The following ADCY9 variants were observed in gnomAD, a reference collection of about 807,000 sequenced individuals.
ADCY9 encodes the protein adenylate cyclase type 9.
Under a neutral mutation model 101.5 loss-of-function variants are expected in ADCY9, and 50 were observed. The ratio of observed to expected loss-of-function variants is 0.49; its 90% CI spans 0.39 to 0.62. ADCY9 has a LOEUF of 0.62. ADCY9 is among the 20% of genes least tolerant of loss of function. The pLI is 0.00. For missense variants in ADCY9, 1,662 were observed against 1,800.4 expected (o/e 0.92, Z 1.39); for synonymous variants, 905 against 769.3 (o/e 1.18, Z -2.92).
At chr16:4,095,976 CAAA>C (rs56897380) in intron 2 of ADCY9, among the ~76,000 whole-genome samples, 5,288 of 115,394 alleles carry the variant, frequency 0.046, 331 homozygotes, top group African/African-American at 0.16. Context: ...GACTCTATCT[CAAA>C]AAAAAAAAAA....
rs561013415 is a variant in ADCY9, at chr16:4,071,730, A to C, written c.1693+42020T>G. Among the ~76,000 whole-genome samples the C allele has an allele frequency of 4.6e-5, 7 of 152,282 alleles. No homozygotes were observed. The East Asian group carries it at 1.4e-3, about 29-fold the overall frequency. On this transcript the variant is annotated intron_variant, in intron 2 of 10. Coordinates refer to ENST00000294016, the MANE Select transcript of ADCY9 (RefSeq NM_001116.4). ...AGTCTCTAAAGAAGAACCGAGTTTT[A>C]ATTTTCATCATGATGCATTTTAGTT... is the stretch of plus-strand genomic sequence containing the variant.
At position 3,995,366 on chromosome 16, in the gene ADCY9, C is replaced by G. The variant is rs2531976; in HGVS notation, c.1885-1856G>C. On this transcript the variant is annotated intron_variant, in intron 3 of 10. Coordinates refer to ENST00000294016, the MANE Select transcript of ADCY9 (RefSeq NM_001116.4). ...CTGCTTGAGTCTGGGAGGTCAAGGC[C>G]GCAGTGAGCTTTGATGGTGCCACTG... Among the ~76,000 whole-genome samples the G allele has an allele frequency of 5.9e-5, 9 of 152,004 alleles. No homozygotes were observed. In the South Asian group the frequency reaches 1.7e-3, roughly 28 times the overall value.
intron 2 of ADCY9, among the ~76,000 whole-genome samples, chr16:4,058,756 G>A (rs1009477884): frequency 3.3e-5 from 5 of 152,114 alleles, no homozygotes; most frequent in East Asian, 1.9e-4. Flanking sequence ...TGAGTCCACC[G>A]AGGAGCTAAA....
intron 2 of ADCY9, among the ~76,000 whole-genome samples, chr16:4,102,085 GAAGA>G (rs1272182385): frequency 6.6e-6 from 1 of 152,170 alleles, no homozygotes; most frequent in Non-Finnish European, 1.5e-5. Flanking sequence ...TTGAGCGCAG[GAAGA>G]AAGAAACACC....
At chr16:3,990,582 CTCCTT>C (rs1283311575) in intron 5 of ADCY9, among the ~76,000 whole-genome samples, 1 of 152,186 alleles carries the variant, frequency 6.6e-6, no homozygotes, top group Non-Finnish European at 1.5e-5. Context: ...GGCGGACACT[CTCCTT>C]TCTGTGACAG....
At chr16:3,957,370 A>G (rs537286560) in intron 5 of ADCY9, among the ~76,000 whole-genome samples, 2 of 152,226 alleles carry the variant, frequency 1.3e-5, no homozygotes, top group South Asian at 2.1e-4. Flanking sequence ...AGGTAGAGGC[A>G]TATTTGCGTA....
At chr16:4,039,988 A>C (rs1053567382) in intron 2 of ADCY9, among the ~76,000 whole-genome samples, 11 of 152,150 alleles carry the variant, frequency 7.2e-5, no homozygotes, top group Non-Finnish European at 4.4e-5. Context: ...GCGGTGACCC[A>C]TGATTGCACC....
At chr16:4,077,607 G>C (rs1476956607) in intron 2 of ADCY9, among the ~76,000 whole-genome samples, 1 of 152,096 alleles carries the variant, frequency 6.6e-6, no homozygotes, top group Non-Finnish European at 1.5e-5. Flanking sequence ...TTACCTTTCA[G>C]TCCAATTTTT....
Position 4,114,138 on chromosome 16 carries a change from A to G in ADCY9, c.1305T>C (p.Cys435=). 6.2e-7 allele frequency: 1 copy of G among 1,613,724 alleles called. No individual in the cohort carries two copies. Among genetic ancestry groups the G allele is most frequent in the East Asian group, 2.2e-5 (1 of 44,862 alleles). Residue 435 remains cysteine (C), a synonymous_variant, in exon 2 of 11, where the codon TGT becomes TGC. Transcript: ENST00000294016. The surrounding 1 kb of genome is among the most constrained non-coding windows in gnomAD (Gnocchi z 4.3). ...RFDRLCEETK[C]EKISTLGDCY... ...AGTCTCCCAGGGTGCTGATTTTCTC[A>G]CACTTGGTCTCCTCACACAGGCGGT...
chr16:3,967,214 T>G (rs1210236708), intron 10 of ADCY9, among the ~76,000 whole-genome samples: 4 of 152,208 alleles, frequency 2.6e-5, no homozygotes, highest in Non-Finnish European at 5.9e-5. Context: ...GGTCTTGCAC[T>G]CCTGGGCTCA....
In ADCY9 at chr16:3,966,911, T is replaced by C. The variant is rs1401024401; in HGVS notation, c.2926A>G (p.Ser976Gly). 3 of 1,613,966 alleles carry C rather than the reference T, an allele frequency of 1.9e-6. No individual in the cohort carries two copies. Among genetic ancestry groups the C allele is most frequent in the Non-Finnish European group, 2.5e-6 (3 of 1,180,044 alleles). ...AGAACCACCTCCTGGCCGATGAGGC[T>C]GGCGGGCCGCCGGAGGTCACGCGGC... ...SVPRDLRRPASLIGQEVVLVF... is the reference protein window; with the variant it reads ...SVPRDLRRPAGLIGQEVVLVF... The change falls in exon 11 of 11, where the codon AGC becomes GGC. Residue 976 changes from serine (S) to glycine (G), a missense_variant. By Grantham distance (56) the Ser-to-Gly change is moderately conservative. This residue lies in a region of ADCY9 where 624 missense variants were observed against 639.1 expected (regional missense o/e 0.98). Coordinates refer to ENST00000294016, the MANE Select transcript of ADCY9 (RefSeq NM_001116.4).
At chr16:4,064,690 G>A (rs2056790659) in intron 2 of ADCY9, among the ~76,000 whole-genome samples, 1 of 151,612 alleles carries the variant, frequency 6.6e-6, no homozygotes, top group Non-Finnish European at 1.5e-5. Flanking sequence ...TGTTGCCCAG[G>A]CTGGTCTCAA....
chr16:4,039,335 T>G (rs191863680), intron 2 of ADCY9, among the ~76,000 whole-genome samples: 3 of 152,334 alleles, frequency 2.0e-5, no homozygotes, highest in African/African-American at 7.2e-5. Flanking sequence ...GCTACTGTTT[T>G]AATTCTTGTC....
chr16:4,111,408 C>T (rs1053995305), intron 2 of ADCY9, among the ~76,000 whole-genome samples: 4 of 152,140 alleles, frequency 2.6e-5, no homozygotes, highest in African/African-American at 7.2e-5. Flanking sequence ...CTCAGCCTCC[C>T]GTAATACCCA....
At chr16:3,995,610 T>C (rs927761886) in intron 3 of ADCY9, among the ~76,000 whole-genome samples, 1 of 152,018 alleles carries the variant, frequency 6.6e-6, no homozygotes, top group Non-Finnish European at 1.5e-5. Context: ...TATATTTTTT[T>C]TTTTTTTTGG....
intron 2 of ADCY9, among the ~76,000 whole-genome samples, chr16:4,058,642 A>T (rs2056755992): frequency 6.6e-6 from 1 of 152,144 alleles, no homozygotes; most frequent in Non-Finnish European, 1.5e-5. Context: ...TTTCCTGGAG[A>T]ACCTGGGAAG....
chr16:4,003,003 A>G (rs1161416819), intron 3 of ADCY9, among the ~76,000 whole-genome samples: 1 of 152,202 alleles, frequency 6.6e-6, no homozygotes, highest in Non-Finnish European at 1.5e-5. Flanking sequence ...GGCATGAGCC[A>G]CTGAGCCCAG....
chr16:3,963,107 T>TAC lies in ADCY9; in HGVS notation c.*2667_*2668insGT, dbSNP rs1365652107. 3.7e-5 allele frequency: 1 copy of TAC among 27,312 alleles called. No individual in the cohort carries two copies. Among genetic ancestry groups the TAC allele is most frequent in the Non-Finnish European group, 2.0e-4 (1 of 5,064 alleles). The allele number at this position is 27,312 out of a possible 1,614,324, so 1.7% of individuals were successfully genotyped here. Reference sequence around the variant, plus strand: ...TGTGTGCTTGTTTACCATATATATATATATATATATATATATATATATATA... The same window carrying TAC: ...TGTGTGCTTGTTTACCATATATATATACATATATATATATATATATATATATA... On this transcript the variant is annotated 3_prime_UTR_variant, in exon 11 of 11. Coordinates refer to ENST00000294016, the MANE Select transcript of ADCY9 (RefSeq NM_001116.4).
At chr16:4,109,820 G>A (rs1483072730) in intron 2 of ADCY9, among the ~76,000 whole-genome samples, 1 of 152,156 alleles carries the variant, frequency 6.6e-6, no homozygotes, top group Non-Finnish European at 1.5e-5. Context: ...CACTAGCTCT[G>A]AAAGAGTGAA....
Sources: allele counts gnomAD v4.1 joint callset (sites outside exome capture counted in the v4.1 genomes callset), GRCh38; gene constraint gnomAD v4.1.1; regional missense constraint gnomAD v4.1.1; non-coding constraint Gnocchi (gnomAD v3.1); transcripts MANE v1.5; gene names NCBI Gene and HGNC (gene_info 2026-07-23, HGNC 2026-07-21).